Variants in PROSER1 observed in about 807,000 individuals in gnomAD.
PROSER1 encodes proline and serine rich 1, also known as proline and serine-rich protein 1.
In PROSER1, 36 loss-of-function variants were observed where a neutral mutation model predicts 71.8. The ratio of observed to expected loss-of-function variants is 0.50; its 90% confidence interval spans 0.38 to 0.66. The LOEUF is 0.66. PROSER1 is among the 30% of genes least tolerant of loss of function. The probability of loss-of-function intolerance (pLI) is 0.00; values close to 1 mark genes in which losing one functional copy is unlikely to be tolerated. For missense variants in PROSER1, 1,107 were observed against 1,135.0 expected (o/e 0.98, Z 0.35); for synonymous variants, 490 against 452.4 (o/e 1.08, Z -1.06).
In PROSER1 at chr13:39,013,788, A is replaced by G. The variant is rs1246746296; in HGVS notation, c.1464T>C (p.Ala488=). 4 of 1,614,100 alleles carry G rather than the reference A, an allele frequency of 2.5e-6. No homozygotes were observed. Among genetic ancestry groups the G allele is most frequent in the South Asian group, 1.1e-5 (1 of 91,090 alleles). The part of the protein sequence containing the change: ...SNDTNLINSS[A]LSSAVTSGLA... ...GCCCACTTGTGACAGCAGAGGATAA[A>G]GCAGAGGAGTTGATTAAATTGGTGT... The change falls in exon 11 of 13, where the codon GCT becomes GCC. Residue 488 remains alanine, a synonymous_variant. Coordinates refer to ENST00000352251, the MANE Select transcript of PROSER1 (RefSeq NM_025138.5).
At chr13:39,011,725 T>A (rs1333136914) in intron 12 of PROSER1, among the ~76,000 whole-genome samples, 1 of 152,226 alleles carries the variant, frequency 6.6e-6, no homozygotes. Flanking sequence ...CAAAAGTCAA[T>A]AGGTTTTCTA....
At chr13:39,022,853 A>G (rs987161042) in intron 8 of PROSER1, 199 bp downstream of exon 8, 2 of 467,444 alleles carry the variant, frequency 4.3e-6, no homozygotes, top group Non-Finnish European at 3.8e-6. Flanking sequence ...AATTTATCAT[A>G]AAGAAAATAT....
At position 39,013,781 on chromosome 13, in the gene PROSER1, A is replaced by G; in HGVS notation, c.1471T>C (p.Ser491Pro). ...GAAGCCAGCCCACTTGTGACAGCAG[A>G]GGATAAAGCAGAGGAGTTGATTAAA... ...TNLINSSALSSAVTSGLASLS... is the reference protein window; with the variant it reads ...TNLINSSALSPAVTSGLASLS... The change falls in exon 11 of 13, where the codon TCT becomes CCT. Residue 491 changes from serine (S) to proline (P), a missense_variant. Ser to Pro is a moderately conservative substitution (Grantham distance 74, BLOSUM62 -1). Transcript: ENST00000352251. The G allele has an allele frequency of 1.9e-6, 3 of 1,614,208 alleles. No individual in the cohort carries two copies. The highest frequency in any genetic ancestry group is 1.7e-6 in the Non-Finnish European group (2 of 1,180,028).
rs1280880757 is a variant in PROSER1, at chr13:39,014,297, G to T, written c.955C>A (p.Gln319Lys). 2.5e-6 allele frequency: 4 copies of T among 1,614,158 alleles called. No individual in the cohort carries two copies. Among genetic ancestry groups the T allele is most frequent in the African/African-American group, 2.7e-5 (2 of 75,034 alleles). ...GGTGTGTGAACGGCTGAGGAGACCT[G>T]CCCTGGGAACACAGGAAGGACAGTA... Reference protein sequence around the residue: ...LNTVLPVFPGQVSSAVHTPQP... With the variant: ...LNTVLPVFPGKVSSAVHTPQP... The change falls in exon 11 of 13, where the codon CAG (glutamine) becomes AAG (lysine). Residue 319 changes from glutamine to lysine, a missense_variant. Coordinates refer to ENST00000352251, the MANE Select transcript of PROSER1 (RefSeq NM_025138.5).
At position 39,012,073 on chromosome 13, in the gene PROSER1, T is replaced by G. The variant is rs1157112800; in HGVS notation, c.2712+10A>C. On this transcript the variant is annotated intron_variant, in intron 12 of 12. Transcript: ENST00000352251. ...TTACCATGTAATTTATGCCAGCCAT[T>G]GCTGCTTACCTGCTGTAACAATGCT... 1.2e-6 allele frequency: 2 copies of G among 1,611,054 alleles called. No homozygotes were observed. The highest frequency in any genetic ancestry group is 1.1e-5 in the South Asian group (1 of 90,608).
intron 9 of PROSER1, among the ~76,000 whole-genome samples, chr13:39,018,151 G>C (rs1238246094): frequency 6.6e-6 from 1 of 152,168 alleles, no homozygotes; most frequent in Non-Finnish European, 1.5e-5. Flanking sequence ...TTACCATGGA[G>C]AACTAGCCTA....
In PROSER1 at chr13:39,011,239, A is replaced by G. The variant is rs147309551; in HGVS notation, c.*126T>C. ...CCACAATTTTCAAATTGTTGTCACA[A>G]TTTCTCCAGGATTACCCTCATTCTC... On this transcript the variant is annotated 3_prime_UTR_variant, in exon 13 of 13. Coordinates refer to ENST00000352251, the MANE Select transcript of PROSER1 (RefSeq NM_025138.5). 3.2e-6 allele frequency: 3 copies of G among 933,196 alleles called. No individual in the cohort carries two copies. The highest frequency in any genetic ancestry group is 4.9e-6 in the Non-Finnish European group (3 of 615,784). The allele number at this position is 933,196 out of a possible 1,614,324, so 57.8% of individuals were successfully genotyped here.
chr13:39,037,251 C>A lies in PROSER1; in HGVS notation c.-9G>T. ...AAGGACTTTTTATCCATCTTGACTACTATCCCGACGTGGTTTTAACAGTTA... is the reference window on the plus strand; with the variant it reads ...AAGGACTTTTTATCCATCTTGACTAATATCCCGACGTGGTTTTAACAGTTA... On this transcript the variant is annotated 5_prime_UTR_variant, in exon 1 of 13. Coordinates refer to ENST00000352251, the MANE Select transcript of PROSER1 (RefSeq NM_025138.5). 1 of 1,607,096 alleles carries A rather than the reference C, an allele frequency of 6.2e-7. No individual in the cohort carries two copies. Among genetic ancestry groups the A allele is most frequent in the East Asian group, 2.2e-5 (1 of 44,830 alleles).
At chr13:39,019,158 A>G (rs1475215325) in intron 9 of PROSER1, among the ~76,000 whole-genome samples, 2 of 152,116 alleles carry the variant, frequency 1.3e-5, no homozygotes, top group Non-Finnish European at 2.9e-5. Context: ...AAGAAATTAA[A>G]TATCAGAAGC....
At chr13:39,014,518 C>A in intron 10 of PROSER1, 42 bp from the exon 11 acceptor site, 2 of 1,406,630 alleles carry the variant, frequency 1.4e-6, no homozygotes, top group Non-Finnish European at 9.7e-7. Context: ...TATCATCATG[C>A]TGAAACGTCA....
Position 39,029,259 on chromosome 13 carries a change from A to AAAAAG in PROSER1, c.275+21_275+22insCTTTT, listed in dbSNP as rs1870706867. 3 of 1,331,400 alleles carry AAAAAG rather than the reference A, an allele frequency of 2.3e-6. No individual in the cohort carries two copies. The African/African-American group carries it at 4.7e-5, about 21-fold the overall frequency. 82.5% of individuals were successfully genotyped at this position (1,331,400 alleles called of 1,614,324 possible). Reference sequence around the variant, plus strand: ...ATTTTTTCCCAAGTAAAAAAAAAAAAAAAAAAAAAAGAAATACTTACGAGG... The same window carrying AAAAAG: ...ATTTTTTCCCAAGTAAAAAAAAAAAAAAAAGAAAAAAAAAAGAAATACTTACGAGG... On this transcript the variant is annotated intron_variant, in intron 4 of 12. Transcript: ENST00000352251.
intron 6 of PROSER1, 78 bp from the exon 7 acceptor site, chr13:39,024,634 G>C: frequency 1.0e-6 from 1 of 982,394 alleles, no homozygotes; most frequent in Non-Finnish European, 1.5e-6. Context: ...CAACCTCACT[G>C]TATTACACTG....
At chr13:39,018,514 A>T (rs557634508) in intron 9 of PROSER1, among the ~76,000 whole-genome samples, 12 of 151,488 alleles carry the variant, frequency 7.9e-5, no homozygotes, top group African/African-American at 2.7e-4. Context: ...ACACACACAC[A>T]CACTACTGGG....
intron 2 of PROSER1, 30 bp from the exon 3 acceptor site, chr13:39,031,661 A>G (rs1326059754): frequency 5.1e-6 from 8 of 1,579,960 alleles, no homozygotes; most frequent in East Asian, 2.2e-5. Context: ...AGCTCTAATG[A>G]CAGCATGTTT....
chr13:39,024,646 A>T, intron 6 of PROSER1, 90 bp from the exon 7 acceptor site: 1 of 887,124 alleles, frequency 1.1e-6, no homozygotes, highest in Non-Finnish European at 1.7e-6. Flanking sequence ...ATTACACTGA[A>T]GAAAAGGACT....
In PROSER1 at chr13:39,010,376, A is replaced by G. The variant is rs1869585083; in HGVS notation, c.*989T>C. On this transcript the variant is annotated 3_prime_UTR_variant, in exon 13 of 13. Transcript: ENST00000352251. ...TGGAATTCATTCTCCTTACTCCCCT[A>G]CTTCCCACATGTGGCAGTTATTACT... 1 of 152,564 alleles carries G rather than the reference A, an allele frequency of 6.6e-6. No individual in the cohort carries two copies. Among genetic ancestry groups the G allele is most frequent in the African/African-American group, 2.4e-5 (1 of 41,422 alleles). 9.5% of individuals were successfully genotyped at this position (152,564 alleles called of 1,614,324 possible).
rs922642032 is a variant in PROSER1 at position 39,010,405 on chromosome 13, A to C, written c.*960T>G. On this transcript the variant is annotated 3_prime_UTR_variant, in exon 13 of 13. Coordinates refer to ENST00000352251, the MANE Select transcript of PROSER1 (RefSeq NM_025138.5). ...CCCACATGTGGCAGTTATTACTTCAAAATTAATGACATTCACTCATGTTAT... is the reference window on the plus strand; with the variant it reads ...CCCACATGTGGCAGTTATTACTTCACAATTAATGACATTCACTCATGTTAT... 2 of 152,656 alleles carry C rather than the reference A, an allele frequency of 1.3e-5. No individual in the cohort carries two copies. The highest frequency in any genetic ancestry group is 4.8e-5 in the African/African-American group (2 of 41,456). The allele number at this position is 152,656 out of a possible 1,614,324, so 9.5% of individuals were successfully genotyped here.
chr13:39,029,226 G>A (rs1356301027), intron 4 of PROSER1, 55 bp downstream of exon 4: 30 of 968,428 alleles, frequency 3.1e-5, no homozygotes, highest in East Asian at 1.1e-4. Context: ...CACTTAAAAC[G>A]CTTCTACATT....
At position 39,014,508 on chromosome 13, in the gene PROSER1, TATC is replaced by T. The variant is rs765015674; in HGVS notation, c.776-35_776-33del. On this transcript the variant is annotated intron_variant, in intron 10 of 12. Transcript: ENST00000352251. ...GGAAGGGGGAAAAAAGGCAAGAATG[TATC>T]ATCATGCTGAAACGTCAAATTTTGA... 21 of 1,495,790 alleles carry T rather than the reference TATC, an allele frequency of 1.4e-5. No homozygotes were observed. The South Asian group carries it at 2.0e-4, about 14-fold the overall frequency. 92.7% of individuals were successfully genotyped at this position (1,495,790 alleles called of 1,614,324 possible). A position where few individuals can be genotyped will look rare whatever the true frequency, so the allele number is the denominator to read the frequency against.
Sources: allele counts gnomAD v4.1 joint callset (sites outside exome capture counted in the v4.1 genomes callset), GRCh38; gene constraint gnomAD v4.1.1; transcripts MANE v1.5; gene names NCBI Gene and HGNC (gene_info 2026-07-23, HGNC 2026-07-21).